VWF: variants seen among roughly 807,000 people sequenced by gnomAD.
The protein encoded by VWF is von Willebrand factor.
A neutral mutation model predicts 308.6 loss-of-function variants in VWF; 176 were observed. That is an observed-to-expected ratio of 0.57 (90% CI 0.50 to 0.65). The LOEUF is 0.65. VWF is among the 30% of genes least tolerant of loss of function. VWF has a pLI of 0.00. For missense variants in VWF, 3,146 were observed against 3,648.2 expected, an observed-to-expected ratio of 0.86 and a Z score of 3.55; for synonymous variants, 1,385 against 1,443.4, an observed-to-expected ratio of 0.96 and a Z score of 0.92.
In VWF at chr12:6,016,761, G is replaced by A; in HGVS notation, c.5163C>T (p.Ala1721=). The A allele has an allele frequency of 1.2e-6, 2 of 1,614,200 alleles. No individual in the cohort carries two copies. Among genetic ancestry groups the A allele is most frequent in the Non-Finnish European group, 1.7e-6 (2 of 1,180,044 alleles). The change falls in exon 29 of 52, where the codon GCC becomes GCT. Residue 1721 remains alanine, a synonymous_variant. Transcript: ENST00000261405. ...KSFAKAFISK[A]NIGPRLTQVS... ...GGTGCCTCGCTCACCCACCTATATT[G>A]GCTTTTGAAATGAAAGCCTTGGCGA...
chr12:6,112,788 C>G (rs1230030155), intron 3 of VWF, among the ~76,000 whole-genome samples: 2 of 151,838 alleles, frequency 1.3e-5, no homozygotes, highest in Non-Finnish European at 2.9e-5. Context: ...CTGGGCTGAA[C>G]TGAGGCTGCA....
At chr12:5,978,094 C>T (rs893519066) in intron 42 of VWF, among the ~76,000 whole-genome samples, 1 of 149,100 alleles carries the variant, frequency 6.7e-6, no homozygotes, top group Non-Finnish European at 1.5e-5. Flanking sequence ...GAAATATTAA[C>T]TAGATATCGT....
intron 50 of VWF, among the ~76,000 whole-genome samples, chr12:5,950,334 A>T (rs1426002206): frequency 1.3e-5 from 2 of 152,116 alleles, no homozygotes; most frequent in Admixed American, 6.6e-5. Flanking sequence ...TGGTGATGTA[A>T]GGGCATACCC....
In VWF at chr12:5,992,685, G is replaced by A. The variant is rs576328018; in HGVS notation, c.6599-667C>T. On this transcript the variant is annotated intron_variant, in intron 37 of 51. Transcript: ENST00000261405. ...TACACAGCTTAGAACTGCCTTGGGA[G>A]AGAAGCTACAAGGTGATTCATTTCC... Among the ~76,000 whole-genome samples, 7 of 152,302 alleles carry A rather than the reference G, an allele frequency of 4.6e-5. No individual in the cohort carries two copies. In the South Asian group the frequency reaches 1.5e-3, roughly 32 times the overall value.
chr12:6,121,417 T>C (rs1945430424), intron 2 of VWF, 79 bp from the exon 3 acceptor site: 3 of 1,540,772 alleles, frequency 1.9e-6, no homozygotes, highest in East Asian at 2.4e-5. Flanking sequence ...TCTGGCCTCG[T>C]AGAAATTAGA....
At chr12:5,987,507 A>G (rs526861) in intron 38 of VWF, among the ~76,000 whole-genome samples, 111,209 of 151,862 alleles carry the variant, frequency 0.73, 41,446 homozygotes, top group Admixed American at 0.8. Context: ...CTTCTCATCA[A>G]CAGACACAGT....
At position 6,073,692 on chromosome 12, in the gene VWF, G is replaced by C. The variant is rs557379500; in HGVS notation, c.924C>G (p.Cys308Trp). The C allele has an allele frequency of 6.2e-7, 1 of 1,614,012 alleles. No homozygotes were observed. The highest frequency in any genetic ancestry group is 1.3e-5 in the African/African-American group (1 of 74,988). The change falls in exon 8 of 52, where the codon TGC (cysteine) becomes TGG (tryptophan). Residue 308 changes from cysteine (C) to tryptophan (W), a missense_variant. By Grantham distance (215) the Cys-to-Trp change is radical (BLOSUM62 -2). This residue lies in a region of VWF where 1,304 missense variants were observed against 1,353.0 expected (regional missense o/e 0.96). Transcript: ENST00000261405. Reference sequence around the variant, plus strand: ...TGTGCAGGCTCTGGCAGGTCCTGGCGCAAGGGGACACACACTGCCTATACT... The same window carrying C: ...TGTGCAGGCTCTGGCAGGTCCTGGCCCAAGGGGACACACACTGCCTATACT... ...GMEYRQCVSP[C>W]ARTCQSLHIN...
chr12:6,114,350 C>T (rs1383633987), intron 3 of VWF, among the ~76,000 whole-genome samples: 3 of 152,288 alleles, frequency 2.0e-5, no homozygotes, highest in Admixed American at 6.5e-5. Context: ...GCAAGGTACT[C>T]GTTCCACAGG....
rs1944809443 is a variant in VWF, at chr12:6,073,839, A to T, written c.875-98T>A. Reference sequence around the variant, plus strand: ...GCCTGAGCCTCTCGTGCCCACTCTGACTGCTCCCCTCTGTCTTCAGGCTTC... The same window carrying T: ...GCCTGAGCCTCTCGTGCCCACTCTGTCTGCTCCCCTCTGTCTTCAGGCTTC... On this transcript the variant is annotated intron_variant, in intron 7 of 51. Coordinates refer to ENST00000261405, the MANE Select transcript of VWF (RefSeq NM_000552.5). 5.7e-6 allele frequency: 9 copies of T among 1,567,732 alleles called. No individual in the cohort carries two copies. In the South Asian group the frequency reaches 8.0e-5, roughly 14 times the overall value.
chr12:5,962,538 CTTTTTTTTTT>C (rs35124526), intron 47 of VWF, among the ~76,000 whole-genome samples: 1 of 101,602 alleles, frequency 9.8e-6, no homozygotes, highest in South Asian at 3.7e-4. Flanking sequence ...ACAGGCAATT[CTTTTTTTTTT>C]TTTTTTTTTT....
At chr12:6,001,039 T>G (rs1006376299) in intron 34 of VWF, among the ~76,000 whole-genome samples, 2 of 152,052 alleles carry the variant, frequency 1.3e-5, no homozygotes, top group Admixed American at 6.6e-5. Flanking sequence ...CAAGAAAAGT[T>G]AGAATAACCT....
At chr12:6,120,000 G>A in intron 3 of VWF, among the ~76,000 whole-genome samples, 1 of 152,208 alleles carries the variant, frequency 6.6e-6, no homozygotes, top group East Asian at 1.9e-4. Context: ...TATGTGATAA[G>A]TTTCCCAGCA....
chr12:6,106,051 AAAG>A (rs1187980802), intron 5 of VWF, among the ~76,000 whole-genome samples: 15 of 152,162 alleles, frequency 9.9e-5, no homozygotes, highest in African/African-American at 9.7e-5. Context: ...CAAAAAAAAT[AAAG>A]AAGAATTGAA....
intron 6 of VWF, among the ~76,000 whole-genome samples, chr12:6,093,880 T>G (rs1945077292): frequency 6.6e-6 from 1 of 152,126 alleles, no homozygotes; most frequent in Admixed American, 6.5e-5. Context: ...GAGGTCCTGG[T>G]GAGTGAGATC....
At chr12:6,115,620 C>T (rs192151840) in intron 3 of VWF, among the ~76,000 whole-genome samples, 14 of 152,334 alleles carry the variant, frequency 9.2e-5, no homozygotes, top group Admixed American at 3.3e-4. Flanking sequence ...TGGCCCATGA[C>T]TCAGTTCAGA....
At chr12:6,100,173 C>A (rs2136506394) in intron 5 of VWF, among the ~76,000 whole-genome samples, 1 of 152,030 alleles carries the variant, frequency 6.6e-6, no homozygotes, top group African/African-American at 2.4e-5. Context: ...CAGAGAAATG[C>A]AAATCAAAAC....
intron 22 of VWF, among the ~76,000 whole-genome samples, chr12:6,027,674 AAAAAGGCAAG>A (rs1316321310): frequency 1.3e-5 from 2 of 152,168 alleles, no homozygotes; most frequent in Non-Finnish European, 2.9e-5. Context: ...CCGGAATGTA[AAAAAGGCAAG>A]AAAAGGGACC....
At chr12:6,089,520 G>A (rs75509945) in intron 6 of VWF, among the ~76,000 whole-genome samples, 195 of 152,152 alleles carry the variant, frequency 1.3e-3, no homozygotes, top group Non-Finnish European at 2.1e-3. Flanking sequence ...AAGGTGCCCC[G>A]GGAGGCAAAC....
At chr12:6,012,215 G>A in intron 32 of VWF, 85 bp from the exon 33 acceptor site, 1 of 1,466,708 alleles carries the variant, frequency 6.8e-7, no homozygotes, top group South Asian at 1.1e-5. Context: ...AAGCAACCTG[G>A]TCTAGTTTTT....
Sources: allele counts gnomAD v4.1 joint callset (sites outside exome capture counted in the v4.1 genomes callset), GRCh38; gene constraint gnomAD v4.1.1; regional missense constraint gnomAD v4.1.1; transcripts MANE v1.5; gene names NCBI Gene and HGNC (gene_info 2026-07-23, HGNC 2026-07-21).